The following GRM5 variants were observed in gnomAD, a reference collection of about 807,000 sequenced individuals.
GRM5 encodes the protein glutamate metabotropic receptor 5, also known as metabotropic glutamate receptor 5.
Under a neutral mutation model 83.1 loss-of-function variants are expected in GRM5, and 19 were observed. That is an observed-to-expected ratio of 0.23 (90% CI 0.16 to 0.34). The LOEUF is 0.34. Among genes scored for constraint, GRM5 ranks in the 10% least tolerant of loss-of-function variants. GRM5 has a pLI of 1.00. For synonymous variants in GRM5, 675 were observed against 633.6 expected, an observed-to-expected ratio of 1.07 and a Z score of -0.98; for missense variants, 1,160 against 1,588.3, an observed-to-expected ratio of 0.73 and a Z score of 4.58.
chr11:88,531,005 G>C (rs1446147967), intron 8 of GRM5, among the ~76,000 whole-genome samples: 1 of 152,094 alleles, frequency 6.6e-6, no homozygotes, highest in Non-Finnish European at 1.5e-5. Context: ...GCTTGGGATA[G>C]ACAGAAGTTC....
intron 2 of GRM5, among the ~76,000 whole-genome samples, chr11:88,867,417 G>C (rs761727677): frequency 6.6e-6 from 1 of 151,740 alleles, no homozygotes; most frequent in South Asian, 2.1e-4. Flanking sequence ...TGAAAGCAAA[G>C]ACTATACCAT....
In GRM5 at chr11:88,781,849, G is replaced by A. The variant is rs185089724; in HGVS notation, c.911+68057C>T. On this transcript the variant is annotated intron_variant, in intron 3 of 9. Coordinates refer to ENST00000305447, the MANE Select transcript of GRM5 (RefSeq NM_001143831.3). ...CAACAAAGCTGAGATCCCATGCTGA[G>A]CAGAAGAATTACAAGCAATGGGGCT... is the stretch of plus-strand genomic sequence containing the variant. Among the ~76,000 whole-genome samples, 744 of 152,294 alleles carry A rather than the reference G, an allele frequency of 4.9e-3. 5 individuals are homozygous for A. The highest frequency in any genetic ancestry group is 0.017 in the African/African-American group (716 of 41,554).
At chr11:88,719,713 C>A (rs1941488549) in intron 3 of GRM5, among the ~76,000 whole-genome samples, 1 of 152,036 alleles carries the variant, frequency 6.6e-6, no homozygotes, top group South Asian at 2.1e-4. Flanking sequence ...TTCTCCCAAA[C>A]CTCATCAACA....
At chr11:88,710,615 C>A (rs958668225) in intron 3 of GRM5, among the ~76,000 whole-genome samples, 1 of 151,966 alleles carries the variant, frequency 6.6e-6, no homozygotes, top group Non-Finnish European at 1.5e-5. Flanking sequence ...AAAAATTGTT[C>A]AAGAAAAATT....
chr11:88,798,805 C>CAAAAAAAAAAAAAAAAAAAAAAAA (rs4002396), intron 3 of GRM5, among the ~76,000 whole-genome samples: 25 of 55,366 alleles, frequency 4.5e-4, no homozygotes, highest in Non-Finnish European at 7.0e-4. Context: ...ATGAAAACAC[C>CAAAAAAAAAAAAAAAAAAAAAAAA]AAAAAAAAAA....
At chr11:88,735,027 T>G (rs1276682270) in intron 3 of GRM5, among the ~76,000 whole-genome samples, 1 of 151,964 alleles carries the variant, frequency 6.6e-6, no homozygotes, top group South Asian at 2.1e-4. Flanking sequence ...TTATTGAGAT[T>G]GCACATTTGA....
intron 3 of GRM5, among the ~76,000 whole-genome samples, chr11:88,765,611 A>G (rs1056218058): frequency 4.0e-5 from 6 of 151,840 alleles, no homozygotes; most frequent in Non-Finnish European, 7.4e-5. Context: ...GTCTTCAACA[A>G]ATGATGCTTG....
At chr11:88,657,706 G>A (rs140739219) in intron 3 of GRM5, among the ~76,000 whole-genome samples, 3 of 152,014 alleles carry the variant, frequency 2.0e-5, no homozygotes, top group African/African-American at 7.2e-5. Flanking sequence ...GACAGTTCTT[G>A]TTTAAAACAA....
chr11:89,047,190 G>A lies in GRM5; in HGVS notation c.661+22C>T, dbSNP rs200601917. The A allele has an allele frequency of 1.2e-5, 18 of 1,544,416 alleles. No individual in the cohort carries two copies. Among genetic ancestry groups the A allele is most frequent in the Admixed American group, 1.8e-5 (1 of 56,506 alleles). ...GTTGAGTGCATAATAATATATACTC[G>A]ATGTATGCAAAGGAAACTTACCTTC... On this transcript the variant is annotated intron_variant, in intron 2 of 9. Coordinates refer to ENST00000305447, the MANE Select transcript of GRM5 (RefSeq NM_001143831.3). This position sits in a 1 kb window ranked among gnomAD's most constrained non-coding sequence, Gnocchi z 5.1.
At chr11:88,671,705 A>G (rs1940198154) in intron 3 of GRM5, among the ~76,000 whole-genome samples, 1 of 152,094 alleles carries the variant, frequency 6.6e-6, no homozygotes, top group Non-Finnish European at 1.5e-5. Context: ...CTTACATAAA[A>G]TTTTGAAGAA....
At chr11:88,882,442 T>A (rs682203) in intron 2 of GRM5, among the ~76,000 whole-genome samples, 15 of 148,746 alleles carry the variant, frequency 1.0e-4, no homozygotes, top group African/African-American at 3.5e-4. Flanking sequence ...GTACCTGTAG[T>A]CCCAGCTACT....
intron 4 of GRM5, among the ~76,000 whole-genome samples, chr11:88,640,276 T>A (rs981321241): frequency 6.6e-6 from 1 of 152,216 alleles, no homozygotes; most frequent in African/African-American, 2.4e-5. Flanking sequence ...AAAATTTTTC[T>A]TCAATGTCTG....
chr11:88,921,918 C>CAAAAA (rs59956434), intron 2 of GRM5, among the ~76,000 whole-genome samples: 2,751 of 149,734 alleles, frequency 0.018, 79 homozygotes, highest in African/African-American at 0.064. Flanking sequence ...AATAAAAATA[C>CAAAAA]AAAAAAAACC....
chr11:89,065,493 T>C (rs1447296226), intron 1 of GRM5, among the ~76,000 whole-genome samples: 4 of 151,956 alleles, frequency 2.6e-5, no homozygotes, highest in African/African-American at 9.7e-5. Context: ...AAACCTCCCA[T>C]TGGAGCGATA....
At chr11:88,698,495 C>A (rs7480550) in intron 3 of GRM5, among the ~76,000 whole-genome samples, 4 of 152,154 alleles carry the variant, frequency 2.6e-5, no homozygotes, top group African/African-American at 7.2e-5. Flanking sequence ...AAACCATATG[C>A]TCTGTTTCAG....
intron 3 of GRM5, among the ~76,000 whole-genome samples, chr11:88,757,226 A>G (rs958493610): frequency 6.6e-6 from 1 of 152,136 alleles, no homozygotes; most frequent in Non-Finnish European, 1.5e-5. Flanking sequence ...CGGGAGATAC[A>G]CTGCAAGCTT....
At chr11:88,944,532 C>A (rs534250648) in intron 2 of GRM5, among the ~76,000 whole-genome samples, 12 of 151,716 alleles carry the variant, frequency 7.9e-5, no homozygotes, top group African/African-American at 2.9e-4. Context: ...CTAAAACCTA[C>A]GTGCCTTTTT....
At chr11:88,870,342 T>C (rs910526072) in intron 2 of GRM5, among the ~76,000 whole-genome samples, 3 of 151,444 alleles carry the variant, frequency 2.0e-5, no homozygotes, top group Non-Finnish European at 3.0e-5. Context: ...AAATAATATT[T>C]AAAAATATTT....
intron 3 of GRM5, among the ~76,000 whole-genome samples, chr11:88,778,994 C>T (rs562405249): frequency 4.6e-5 from 7 of 152,236 alleles, no homozygotes; most frequent in Admixed American, 1.3e-4. Context: ...GCCATGTAGA[C>T]CAGTGCTGCA....
Sources: gnomAD v4.1 joint callset for allele counts (sites outside exome capture counted in the v4.1 genomes callset) on GRCh38, gnomAD v4.1.1 for gene constraint, Gnocchi (gnomAD v3.1) non-coding constraint, MANE v1.5 for transcripts, NCBI Gene and HGNC (gene_info 2026-07-23, HGNC 2026-07-21) for gene names.